TPM3: variants seen among roughly 807,000 people sequenced by gnomAD.
TPM3 encodes the protein tropomyosin alpha-3 chain.
In TPM3, 16 loss-of-function variants were observed where a neutral mutation model predicts 43.1. That is an observed-to-expected ratio of 0.37 (90% CI 0.25 to 0.56). The LOEUF is 0.56. Among genes scored for constraint, TPM3 ranks in the 20% least tolerant of loss-of-function variants. The pLI is 0.77. For missense variants in TPM3, 176 were observed against 337.2 expected (o/e 0.52, Z 3.74); for synonymous variants, 101 against 116.9 (o/e 0.86, Z 0.88).
At chr1:154,170,750 T>C (rs769126572) in intron 6 of TPM3, 39 bp from the exon 7 acceptor site, 18 of 1,413,718 alleles carry the variant, frequency 1.3e-5, no homozygotes, top group Middle Eastern at 1.8e-4. Flanking sequence ...GAGTAGAAAT[T>C]AGTCACACAG....
chr1:154,170,474 G>A lies in TPM3; in HGVS notation c.706-5C>T. On this transcript the variant is annotated splice_polypyrimidine_tract_variant and splice_region_variant and intron_variant, in intron 7 of 9. Coordinates refer to ENST00000651641, the MANE Select transcript of TPM3 (RefSeq NM_152263.4). ...AAACTCAGCACGGGTCTCTGCCTGGGGGAAATATGAAATTAGTCAGAACCA... is the reference window on the plus strand; with the variant it reads ...AAACTCAGCACGGGTCTCTGCCTGGAGGAAATATGAAATTAGTCAGAACCA... 4 of 1,614,100 alleles carry A rather than the reference G, an allele frequency of 2.5e-6. No individual in the cohort carries two copies. The highest frequency in any genetic ancestry group is 3.4e-6 in the Non-Finnish European group (4 of 1,180,014).
intron 2 of TPM3, among the ~76,000 whole-genome samples, chr1:154,190,785 T>C (rs1277998652): frequency 6.6e-6 from 1 of 152,104 alleles, no homozygotes; most frequent in East Asian, 1.9e-4. Flanking sequence ...AGATGAGAGG[T>C]TCCCTATTAA....
chr1:154,167,710 A>G lies in TPM3; in HGVS notation c.*227T>C. 2 of 1,402,036 alleles carry G rather than the reference A, an allele frequency of 1.4e-6. No individual in the cohort carries two copies. Among genetic ancestry groups the G allele is most frequent in the Non-Finnish European group, 1.9e-6 (2 of 1,071,650 alleles). 86.8% of individuals were successfully genotyped at this position (1,402,036 alleles called of 1,614,324 possible). ...AAGGCTCCTTCTTAGGGACAGCAACAGCTTTGTCAATGACACAAATGCAGG... is the reference window on the plus strand; with the variant it reads ...AAGGCTCCTTCTTAGGGACAGCAACGGCTTTGTCAATGACACAAATGCAGG... On this transcript the variant is annotated 3_prime_UTR_variant, in exon 10 of 10. Transcript: ENST00000651641.
In TPM3 at chr1:154,172,646, C is replaced by T. The variant is rs192698060; in HGVS notation, c.566+262G>A. The T allele has an allele frequency of 3.2e-5, 17 of 526,176 alleles. No individual in the cohort carries two copies. The East Asian group carries it at 5.8e-4, about 18-fold the overall frequency. The allele number at this position is 526,176 out of a possible 1,614,324, so 32.6% of individuals were successfully genotyped here. A position where few individuals can be genotyped will look rare whatever the true frequency, so the allele number is the denominator to read the frequency against. On this transcript the variant is annotated intron_variant, in intron 5 of 9. Coordinates refer to ENST00000651641, the MANE Select transcript of TPM3 (RefSeq NM_152263.4). ...GTAGGATCTTCCAATTAACTGTTCA[C>T]CATGTATTAGTCCTTATTTGCTCTC...
At chr1:154,158,726 C>T, downstream of TPM3, 4 of 501,378 alleles carry the variant, frequency 8.0e-6, no homozygotes, top group Non-Finnish European at 1.1e-5. Context: ...CGCAAGTTTT[C>T]TCACTATAAT....
In TPM3 at chr1:154,162,173, A is replaced by T. The variant is rs1471222902; in HGVS notation, c.*5764T>A. Among the ~76,000 whole-genome samples the T allele has an allele frequency of 1.3e-5, 2 of 151,914 alleles. No individual in the cohort carries two copies. The highest frequency in any genetic ancestry group is 1.5e-5 in the Non-Finnish European group (1 of 67,950). ...ATCACGAGGTCAGGAGTTTGAGATC[A>T]GCCTAACATGTTGAAACCTAGTCTC... On this transcript the variant is annotated 3_prime_UTR_variant, in exon 10 of 10. Coordinates refer to ENST00000651641, the MANE Select transcript of TPM3 (RefSeq NM_152263.4).
At chr1:154,186,721 A>G (rs963327731) in intron 2 of TPM3, among the ~76,000 whole-genome samples, 1 of 151,746 alleles carries the variant, frequency 6.6e-6, no homozygotes, top group Non-Finnish European at 1.5e-5. Context: ...GACATTTAAA[A>G]ATGGTTAAAA....
chr1:154,176,301 G>A, intron 2 of TPM3, 53 bp from the exon 3 acceptor site: 1 of 1,613,422 alleles, frequency 6.2e-7, no homozygotes. Context: ...GAGAAAAGAA[G>A]AAATAACTAT....
chr1:154,182,458 G>C (rs1663063930), intron 2 of TPM3, among the ~76,000 whole-genome samples: 1 of 152,216 alleles, frequency 6.6e-6, no homozygotes, highest in Non-Finnish European at 1.5e-5. Context: ...CATTTCCTGA[G>C]CAGGAGGAGG....
rs1660520010 is a variant in TPM3 at position 154,162,812 on chromosome 1, T to G, written c.*5125A>C. Among the ~76,000 whole-genome samples the G allele has an allele frequency of 6.6e-6, 1 of 152,224 alleles. No homozygotes were observed. Among genetic ancestry groups the G allele is most frequent in the Admixed American group, 6.5e-5 (1 of 15,284 alleles). On this transcript the variant is annotated 3_prime_UTR_variant, in exon 10 of 10. Coordinates refer to ENST00000651641, the MANE Select transcript of TPM3 (RefSeq NM_152263.4). ...ACCCCAGTTTGTTGGTCTCTATCCT[T>G]GGCTCACACTAGTCATACCGCAAGG... is the stretch of plus-strand genomic sequence containing the variant.
chr1:154,172,415 AT>A (rs200258420), intron 5 of TPM3: 478 of 563,946 alleles, frequency 8.5e-4, no homozygotes, highest in East Asian at 1.9e-3. Flanking sequence ...CAGACACCAG[AT>A]TTTTTTTTTA....
intron 2 of TPM3, among the ~76,000 whole-genome samples, chr1:154,190,791 A>G (rs1663646784): frequency 6.6e-6 from 1 of 152,216 alleles, no homozygotes; most frequent in Admixed American, 6.5e-5. Flanking sequence ...GAGGTTCCCT[A>G]TTAATACACA....
chr1:154,189,170 A>G (rs1663559163), intron 2 of TPM3, among the ~76,000 whole-genome samples: 1 of 119,664 alleles, frequency 8.4e-6, no homozygotes, highest in Non-Finnish European at 1.7e-5. Flanking sequence ...AAAAAAAAAA[A>G]AAAAAAAAAA....
Position 154,163,111 on chromosome 1 carries a change from C to T in TPM3, c.*4826G>A, listed in dbSNP as rs150748157. ...GGCATGAGCCACCATGCCCGGTCTA[C>T]TTCCTTCCTTTCTAAGAAGTCTTTC... is the stretch of plus-strand genomic sequence containing the variant. On this transcript the variant is annotated 3_prime_UTR_variant, in exon 10 of 10. Transcript: ENST00000651641. Among the ~76,000 whole-genome samples, 259 of 152,298 alleles carry T rather than the reference C, an allele frequency of 1.7e-3. 1 individual carries two copies. Among genetic ancestry groups the T allele is most frequent in the Middle Eastern group, 3.4e-3 (1 of 294 alleles).
At chr1:154,157,448 C>G, downstream of TPM3, 1 of 707,144 alleles carries the variant, frequency 1.4e-6, no homozygotes, top group Non-Finnish European at 2.6e-6. Context: ...GCCTCTAGCC[C>G]AGCTGGATTC....
Position 154,187,272 on chromosome 1 carries a change from A to G in TPM3, c.243+3914T>C, listed in dbSNP as rs369829147. 572 of 966,486 alleles carry G rather than the reference A, an allele frequency of 5.9e-4. 24 individuals are homozygous for G. The African/African-American group carries it at 9.5e-3, about 16-fold the overall frequency. The allele number at this position is 966,486 out of a possible 1,614,324, so 59.9% of individuals were successfully genotyped here. ...ATGAGCATGACTGTGTTCCGATAAA[A>G]CTTTATTTACAAAACCAGGCTGTTG... On this transcript the variant is annotated intron_variant, in intron 2 of 9. Coordinates refer to ENST00000651641, the MANE Select transcript of TPM3 (RefSeq NM_152263.4).
intron 9 of TPM3, 57 bp from the exon 10 acceptor site, chr1:154,167,997 C>G: frequency 6.2e-7 from 1 of 1,611,418 alleles, no homozygotes. Flanking sequence ...ATCTAGATAG[C>G]AAACTGGGAA....
Position 154,167,782 on chromosome 1 carries a change from G to A in TPM3, c.*155C>T. ...CTTAACATTTTAATTTGGGGTGGGG[G>A]TGGAAGAAAATACATAAGTTGCTTT... On this transcript the variant is annotated 3_prime_UTR_variant, in exon 10 of 10. Coordinates refer to ENST00000651641, the MANE Select transcript of TPM3 (RefSeq NM_152263.4). 6.4e-7 allele frequency: 1 copy of A among 1,553,418 alleles called. No homozygotes were observed.
At chr1:154,172,449 G>C (rs1489988342) in intron 5 of TPM3, 2 of 518,534 alleles carry the variant, frequency 3.9e-6, no homozygotes, top group Admixed American at 2.3e-5. Flanking sequence ...TTAGGGACAG[G>C]GTCTCCCTAT....
Sources: gnomAD v4.1 joint callset for allele counts (sites outside exome capture counted in the v4.1 genomes callset) on GRCh38, gnomAD v4.1.1 for gene constraint, MANE v1.5 for transcripts, NCBI Gene and HGNC (gene_info 2026-07-23, HGNC 2026-07-21) for gene names.